The following LARP7 variants were observed in gnomAD, a reference collection of about 807,000 sequenced individuals.
LARP7 encodes the protein la-related protein 7.
Under a neutral mutation model 69.3 loss-of-function variants are expected in LARP7, and 52 were observed. The ratio of observed to expected loss-of-function variants is 0.75; its 90% confidence interval spans 0.60 to 0.95. The LOEUF (loss-of-function observed/expected upper bound fraction) is 0.95. LARP7 is among the 40% of genes least tolerant of loss of function. The pLI, the probability that LARP7 is intolerant of heterozygous loss-of-function variation, is 0.00. For synonymous variants in LARP7, 254 were observed against 215.9 expected (o/e 1.18, Z -1.55); for missense variants, 733 against 673.0 (o/e 1.09, Z -0.99).
Position 112,646,765 on chromosome 4 carries a change from C to CT in LARP7, c.388-25dup, listed in dbSNP as rs544594383. The CT allele has an allele frequency of 3.5e-5, 54 of 1,562,860 alleles. No homozygotes were observed. In the South Asian group the frequency reaches 5.2e-4, roughly 15 times the overall value. On this transcript the variant is annotated intron_variant, in intron 4 of 12. Transcript: ENST00000344442. ...ATTGACATTCTGATTGTGAAAAACT[C>CT]TAATATTGCTTTTAATTTATAATAG...
intron 8 of LARP7, 140 bp from the exon 9 acceptor site, chr4:112,649,395 A>C: frequency 1.6e-6 from 1 of 613,376 alleles, no homozygotes; most frequent in Non-Finnish European, 2.7e-6. Context: ...GAACCTAGGA[A>C]ATATTTTGAA....
intron 1 of LARP7, among the ~76,000 whole-genome samples, chr4:112,638,291 G>A (rs1030662950): frequency 6.6e-5 from 10 of 152,138 alleles, no homozygotes; most frequent in Admixed American, 2.6e-4. Flanking sequence ...GAGAGGCTGC[G>A]TCTCCAAACA....
rs1203537069 is a variant in LARP7, at chr4:112,647,114, C to T, written c.633C>T (p.Ala211=). The change falls in exon 6 of 13, where the codon GCC becomes GCT. Residue 211 remains alanine (A), a synonymous_variant. Transcript: ENST00000344442. ...CAGTGAAAAATAAGCCCATTCCAGC[C>T]TTAAGAGTTGTGGGTGAGTATTTTT... is the stretch of plus-strand genomic sequence containing the variant. ...PKTVKNKPIP[A]LRVVEEKKKK... is the part of the protein sequence containing the mutation. 1.2e-6 allele frequency: 2 copies of T among 1,607,564 alleles called. No homozygotes were observed. Among genetic ancestry groups the T allele is most frequent in the Non-Finnish European group, 1.7e-6 (2 of 1,178,688 alleles).
intron 1 of LARP7, among the ~76,000 whole-genome samples, chr4:112,639,232 C>G (rs1265796471): frequency 1.5e-5 from 2 of 133,226 alleles, no homozygotes; most frequent in African/African-American, 5.7e-5. Context: ...TTTTTTGAGA[C>G]GGAGTCTTGC....
intron 8 of LARP7, chr4:112,648,357 G>A (rs2048475366): frequency 1.9e-6 from 1 of 534,370 alleles, no homozygotes; most frequent in Non-Finnish European, 3.8e-6. Context: ...TGCTGGCTTG[G>A]AGACACCTCC....
intron 1 of LARP7, among the ~76,000 whole-genome samples, chr4:112,644,118 T>C (rs2048065990): frequency 6.6e-6 from 1 of 151,728 alleles, no homozygotes; most frequent in South Asian, 2.1e-4. Flanking sequence ...GGCATGTGCC[T>C]GTAGTCCCAG....
In LARP7 at chr4:112,641,330, G is replaced by C. The variant is rs1001138706; in HGVS notation, c.-2-3338G>C. ...CTTGAACCCAGAGGGGGAGGTTGCA[G>C]TGAGCCGAGATCGCGCCACTGCACT... On this transcript the variant is annotated intron_variant, in intron 1 of 12. Coordinates refer to ENST00000344442, the MANE Select transcript of LARP7 (RefSeq NM_016648.4). 5.9e-5 allele frequency among the ~76,000 whole-genome samples: 9 copies of C among 151,588 alleles called. No homozygotes were observed. In the East Asian group the frequency reaches 1.7e-3, roughly 29 times the overall value.
chr4:112,639,616 A>G (rs939085517), intron 1 of LARP7, among the ~76,000 whole-genome samples: 6 of 152,080 alleles, frequency 3.9e-5, no homozygotes, highest in Non-Finnish European at 8.8e-5. Flanking sequence ...TAATGTTGCA[A>G]GTTTTGACAG....
intron 8 of LARP7, chr4:112,648,143 A>G (rs1454137421): frequency 1.9e-6 from 1 of 521,624 alleles, no homozygotes. Flanking sequence ...CAATAAAGTT[A>G]TTTTCTAAAA....
intron 2 of LARP7, among the ~76,000 whole-genome samples, 153 bp from the exon 3 acceptor site, chr4:112,646,198 T>TGAACTCCCC (rs970537291): frequency 6.6e-6 from 1 of 152,084 alleles, no homozygotes; most frequent in African/African-American, 2.4e-5. Context: ...AGGCTGGTCT[T>TGAACTCCCC]GAACTCCCCC....
chr4:112,639,647 T>C (rs1295690208), intron 1 of LARP7, among the ~76,000 whole-genome samples: 2 of 152,166 alleles, frequency 1.3e-5, no homozygotes, highest in African/African-American at 4.8e-5. Flanking sequence ...AAACCAGGTC[T>C]GTGTTTTAGA....
chr4:112,657,196 G>GTGTGTA, intron 12 of LARP7, 51 bp from the exon 13 acceptor site: 1 of 837,130 alleles, frequency 1.2e-6, no homozygotes, highest in Non-Finnish European at 1.9e-6. Context: ...GTGTGTGTGT[G>GTGTGTA]TGTGTTTTGA....
At chr4:112,650,707 C>A in intron 10 of LARP7, 125 bp downstream of exon 10, 1 of 1,009,424 alleles carries the variant, frequency 9.9e-7, no homozygotes, top group Non-Finnish European at 1.4e-6. Context: ...TGGTAAACTA[C>A]TGTACAGTTT....
chr4:112,647,095 A>C lies in LARP7; in HGVS notation c.614A>C (p.Lys205Thr). 1.2e-6 allele frequency: 2 copies of C among 1,611,456 alleles called. No individual in the cohort carries two copies. Among genetic ancestry groups the C allele is most frequent in the East Asian group, 4.5e-5 (2 of 44,876 alleles). The change falls in exon 6 of 13, where the codon AAA becomes ACA. Residue 205 changes from lysine to threonine, a missense_variant. Lys to Thr is a moderately conservative substitution (Grantham distance 78). Transcript: ENST00000344442. ...RKPGIFPKTV[K>T]NKPIPALRVV... ...CCTGGCATATTTCCTAAAACAGTGA[A>C]AAATAAGCCCATTCCAGCCTTAAGA...
rs1275086332 is a variant in LARP7, at chr4:112,649,756, TATAAG to T, written c.1294+75_1294+79del. 5 of 1,006,306 alleles carry T rather than the reference TATAAG, an allele frequency of 5.0e-6. No individual in the cohort carries two copies. The African/African-American group carries it at 5.1e-5, about 10-fold the overall frequency. The allele number at this position is 1,006,306 out of a possible 1,614,324, so 62.3% of individuals were successfully genotyped here. On this transcript the variant is annotated intron_variant, in intron 9 of 12. Coordinates refer to ENST00000344442, the MANE Select transcript of LARP7 (RefSeq NM_016648.4). ...TATGTAAATGCTATCTCTGAGTTGTTATAAGATAAATTTTAATTTTAAAAAACTTG... is the reference window on the plus strand; with the variant it reads ...TATGTAAATGCTATCTCTGAGTTGTTATAAATTTTAATTTTAAAAAACTTG...
At chr4:112,652,918 A>G (rs1479970260) in intron 10 of LARP7, among the ~76,000 whole-genome samples, 159 bp from the exon 11 acceptor site, 2 of 152,188 alleles carry the variant, frequency 1.3e-5, no homozygotes, top group East Asian at 3.8e-4. Flanking sequence ...TTTTAAGAAC[A>G]TGCTTTACAG....
In LARP7 at chr4:112,650,494, A is replaced by G. The variant is rs2048676628; in HGVS notation, c.1328A>G (p.Lys443Arg). The G allele has an allele frequency of 1.9e-6, 3 of 1,613,848 alleles. No individual in the cohort carries two copies. Among genetic ancestry groups the G allele is most frequent in the Non-Finnish European group, 2.5e-6 (3 of 1,179,820 alleles). Residue 443 changes from lysine to arginine, a missense_variant, in exon 10 of 13, where the codon AAA (lysine) becomes AGA (arginine). Coordinates refer to ENST00000344442, the MANE Select transcript of LARP7 (RefSeq NM_016648.4). The part of the protein sequence containing the change: ...ANREECRTQE[K>R]VNATGPQFVS... ...AGGGAAGAGTGTCGCACCCAGGAGA[A>G]AGTTAATGCAACAGGACCACAGTTC...
chr4:112,644,694 GA>G lies in LARP7; in HGVS notation c.29del (p.Lys10ArgfsTer2). The G allele has an allele frequency of 6.2e-7, 1 of 1,606,490 alleles. No individual in the cohort carries two copies. Among genetic ancestry groups the G allele is most frequent in the Non-Finnish European group, 8.5e-7 (1 of 1,176,122 alleles). On this transcript the variant is annotated frameshift_variant, in exon 2 of 13. Transcript: ENST00000344442. LOFTEE classifies it high-confidence loss of function. The stretch of plus-strand genomic sequence containing the variant: ...AATGGAAACTGAAAGTGGAAATCAG[GA>G]AAAGGTAATGGAAGAAGAAAGCACT... METESGNQ[E>X]KVMEEESTEK...
intron 10 of LARP7, among the ~76,000 whole-genome samples, chr4:112,650,896 AT>A (rs2048699861): frequency 6.6e-6 from 1 of 152,150 alleles, no homozygotes; most frequent in Admixed American, 6.5e-5. Context: ...TATCTTTAAA[AT>A]TTTAATTATA....
Sources: allele counts gnomAD v4.1 joint callset (sites outside exome capture counted in the v4.1 genomes callset), GRCh38; gene constraint gnomAD v4.1.1; transcripts MANE v1.5; gene names NCBI Gene and HGNC (gene_info 2026-07-23, HGNC 2026-07-21).